The following MELK variants were observed in gnomAD, a reference collection of about 807,000 sequenced individuals.
The protein encoded by MELK is maternal embryonic leucine zipper kinase, also known as pEg3 kinase.
MELK carries 81 observed loss-of-function variants against 85.0 expected under a neutral mutation model. The observed-to-expected ratio is 0.95, with a 90% CI of 0.80 to 1.15. The LOEUF (loss-of-function observed/expected upper bound fraction) is 1.15. Ranked by LOEUF, MELK falls within the 50% of genes most tolerant of loss-of-function variation. The pLI, the probability that MELK is intolerant of heterozygous loss-of-function variation, is 0.00. For synonymous variants in MELK, 252 were observed against 265.0 expected, an observed-to-expected ratio of 0.95 and a Z score of 0.48; for missense variants, 754 against 777.5, an observed-to-expected ratio of 0.97 and a Z score of 0.36.
At chr9:36,665,317 A>C (rs774027164) in intron 13 of MELK, 33 bp from the exon 14 acceptor site, 1 of 1,348,570 alleles carries the variant, frequency 7.4e-7, no homozygotes, top group Non-Finnish European at 1.0e-6. Flanking sequence ...TTTCTTCTTC[A>C]GTGTGCTTTA....
At chr9:36,671,498 G>T (rs1266101231) in intron 16 of MELK, among the ~76,000 whole-genome samples, 1 of 152,170 alleles carries the variant, frequency 6.6e-6, no homozygotes. Context: ...GAGCTCAGTT[G>T]TGTCCCTGAT....
At chr9:36,581,982 T>G (rs1822290787) in intron 2 of MELK, among the ~76,000 whole-genome samples, 1 of 152,078 alleles carries the variant, frequency 6.6e-6, no homozygotes, top group African/African-American at 2.4e-5. Context: ...TTCTTTTTTT[T>G]TTTGAGACGG....
At chr9:36,584,298 C>T (rs1286438949) in intron 3 of MELK, among the ~76,000 whole-genome samples, 1 of 148,944 alleles carries the variant, frequency 6.7e-6, no homozygotes, top group Admixed American at 6.8e-5. Flanking sequence ...AGCCACCGCG[C>T]CCGGCCTCTT....
chr9:36,602,684 A>G (rs994706799), intron 7 of MELK, among the ~76,000 whole-genome samples: 1 of 149,710 alleles, frequency 6.7e-6, no homozygotes, highest in Non-Finnish European at 1.5e-5. Flanking sequence ...CTCAGCCTCC[A>G]GAGTAGCTGG....
chr9:36,621,310 A>C (rs913199767), intron 8 of MELK, among the ~76,000 whole-genome samples: 18 of 136,278 alleles, frequency 1.3e-4, no homozygotes, highest in South Asian at 7.0e-4. Context: ...AAAAAAAAAA[A>C]AAAAAAACTT....
intron 14 of MELK, among the ~76,000 whole-genome samples, chr9:36,666,853 TTGTGTGTGTGTGTG>T (rs5897643): frequency 0.033 from 4,350 of 130,784 alleles, 134 homozygotes; most frequent in African/African-American, 0.087. Flanking sequence ...ATGTCTGTGT[TTGTGTGTGTGTGTG>T]TGTGTGTGTG....
chr9:36,597,322 T>C, intron 6 of MELK, 32 bp downstream of exon 6: 1 of 1,552,550 alleles, frequency 6.4e-7, no homozygotes, highest in Non-Finnish European at 8.9e-7. Context: ...ATCTATGTTC[T>C]TTGTAAATGC....
Position 36,643,933 on chromosome 9 carries a change from C to CAA in MELK, c.921+865_921+866dup, listed in dbSNP as rs796275817. The stretch of plus-strand genomic sequence containing the variant: ...TGGGCGACAGAGTGAGACTCCATCT[C>CAA]AAAAAAAAAAAAAAAAGAAAAGAAA... On this transcript the variant is annotated intron_variant, in intron 11 of 17. Coordinates refer to ENST00000298048, the MANE Select transcript of MELK (RefSeq NM_014791.4). Among the ~76,000 whole-genome samples, 80 of 92,270 alleles carry CAA rather than the reference C, an allele frequency of 8.7e-4. No homozygotes were observed. In the East Asian group the frequency reaches 0.017, roughly 19 times the overall value. The allele number at this position is 92,270 out of a possible 152,430, so 60.5% of individuals were successfully genotyped here.
At chr9:36,642,556 GTGGCTGGGATTACAGATGC>G (rs901459179) in intron 10 of MELK, among the ~76,000 whole-genome samples, 1 of 149,794 alleles carries the variant, frequency 6.7e-6, no homozygotes, top group Admixed American at 6.8e-5. Context: ...AGCCTCCCAA[GTGGCTGGGATTACAGATGC>G]TCGCCACCAT....
At chr9:36,640,511 A>G (rs1829660698) in intron 10 of MELK, among the ~76,000 whole-genome samples, 1 of 152,118 alleles carries the variant, frequency 6.6e-6, no homozygotes, top group Non-Finnish European at 1.5e-5. Flanking sequence ...CAGTGGCTTG[A>G]TCATACCTCA....
chr9:36,606,294 G>A (rs1825475064), intron 7 of MELK, among the ~76,000 whole-genome samples: 2 of 144,668 alleles, frequency 1.4e-5, no homozygotes, highest in South Asian at 2.2e-4. Flanking sequence ...GTATAGGTGT[G>A]TATATAATAT....
chr9:36,642,320 G>A (rs1829827633), intron 10 of MELK, among the ~76,000 whole-genome samples: 1 of 149,514 alleles, frequency 6.7e-6, no homozygotes, highest in Non-Finnish European at 1.5e-5. Context: ...TATAGCCACT[G>A]ATTTTAGATG....
At chr9:36,585,435 T>A (rs918644963) in intron 3 of MELK, among the ~76,000 whole-genome samples, 1 of 151,142 alleles carries the variant, frequency 6.6e-6, no homozygotes, top group Non-Finnish European at 1.5e-5. Flanking sequence ...GCCACCTGAG[T>A]AGCTGGTACT....
At position 36,636,786 on chromosome 9, in the gene MELK, GTCTGTCTTTCTTTCTT is replaced by G. The variant is rs1587519482; in HGVS notation, c.834+3615_834+3630del. Among the ~76,000 whole-genome samples the G allele has an allele frequency of 1.2e-4, 6 of 50,714 alleles. No individual in the cohort carries two copies. In the East Asian group the frequency reaches 2.8e-3, roughly 24 times the overall value. The allele number at this position is 50,714 out of a possible 152,430, so 33.3% of individuals were successfully genotyped here. A position where few individuals can be genotyped will look rare whatever the true frequency, so the allele number is the denominator to read the frequency against. ...TTTCTTTCTTTCTTTCTTTCTTTCT[GTCTGTCTTTCTTTCTT>G]TCTGTCTTTCTTTCTTTCTGTCTTT... is the stretch of plus-strand genomic sequence containing the variant. On this transcript the variant is annotated intron_variant, in intron 10 of 17. Transcript: ENST00000298048.
At chr9:36,624,795 C>A (rs954961537) in intron 8 of MELK, among the ~76,000 whole-genome samples, 1 of 152,066 alleles carries the variant, frequency 6.6e-6, no homozygotes, top group African/African-American at 2.4e-5. Flanking sequence ...ATAATGTCTC[C>A]TATTATGATA....
In MELK at chr9:36,668,517, CTCT is replaced by C. The variant is rs748189866; in HGVS notation, c.1409-791_1409-789del. Among the ~76,000 whole-genome samples the C allele has an allele frequency of 8.7e-3, 1,326 of 151,944 alleles. 27 individuals are homozygous for C. The highest frequency in any genetic ancestry group is 0.03 in the African/African-American group (1,231 of 41,478). ...TATAAAAAATAATCAAAGCTTACAT[CTCT>C]TTTTTTTTCCGAGATGAAGTCTTGC... On this transcript the variant is annotated intron_variant, in intron 14 of 17. Transcript: ENST00000298048.
intron 4 of MELK, 48 bp from the exon 5 acceptor site, chr9:36,594,573 CTGTGAAG>C: frequency 6.4e-7 from 1 of 1,568,858 alleles, no homozygotes; most frequent in Non-Finnish European, 8.7e-7. Flanking sequence ...TTTTAAATTT[CTGTGAAG>C]TGATTTTTTA....
chr9:36,674,603 G>A (rs1003074244), intron 16 of MELK, among the ~76,000 whole-genome samples: 3 of 152,200 alleles, frequency 2.0e-5, no homozygotes, highest in Admixed American at 2.0e-4. Flanking sequence ...GAAGATGAAA[G>A]TATGAAAAGG....
At chr9:36,657,392 A>G in intron 13 of MELK, 29 bp downstream of exon 13, 1 of 1,567,544 alleles carries the variant, frequency 6.4e-7, no homozygotes, top group Non-Finnish European at 8.6e-7. Flanking sequence ...TATTTAAGGC[A>G]GAATCTATTG....
Sources: allele counts gnomAD v4.1 joint callset (sites outside exome capture counted in the v4.1 genomes callset), GRCh38; gene constraint gnomAD v4.1.1; transcripts MANE v1.5; gene names NCBI Gene and HGNC (gene_info 2026-07-23, HGNC 2026-07-21).